Variants in IFT57 observed in about 807,000 individuals in gnomAD.
IFT57 encodes intraflagellar transport protein 57 homolog.
Under a neutral mutation model 56.8 loss-of-function variants are expected in IFT57, and 59 were observed. The ratio of observed to expected loss-of-function variants is 1.04; its 90% confidence interval spans 0.84 to 1.29. IFT57 has a LOEUF of 1.29. Ranked by LOEUF, IFT57 falls within the 50% of genes most tolerant of loss-of-function variation. The probability of loss-of-function intolerance (pLI) is 0.00; values close to 1 mark genes in which losing one functional copy is unlikely to be tolerated. For missense variants in IFT57, 470 were observed against 522.1 expected, an observed-to-expected ratio of 0.90 and a Z score of 0.97; for synonymous variants, 209 against 186.1, an observed-to-expected ratio of 1.12 and a Z score of -1.00.
At chr3:108,219,666 T>C in intron 1 of IFT57, 94 bp from the exon 2 acceptor site, 10 of 1,314,618 alleles carry the variant, frequency 7.6e-6, no homozygotes, top group Non-Finnish European at 8.6e-6. Context: ...TGTCCAACAA[T>C]CTTTCTTCCC....
Position 108,173,997 on chromosome 3 carries a change from A to AATGTGTGTGT in IFT57, c.778-6134_778-6133insACACACACAT, listed in dbSNP as rs59994463. On this transcript the variant is annotated intron_variant, in intron 6 of 10. Coordinates refer to ENST00000264538, the MANE Select transcript of IFT57 (RefSeq NM_018010.4). ...AAAAATCAGTATTTGCATATATTTG[A>AATGTGTGTGT]GTGTGTGTGTGTGTGTGTGTGTGTG... Among the ~76,000 whole-genome samples the AATGTGTGTGT allele has an allele frequency of 2.4e-3, 246 of 100,746 alleles. 7 individuals carry two copies. Among genetic ancestry groups the AATGTGTGTGT allele is most frequent in the African/African-American group, 6.5e-3 (191 of 29,318 alleles). The allele number at this position is 100,746 out of a possible 152,430, so 66.1% of individuals were successfully genotyped here. A position where few individuals can be genotyped will look rare whatever the true frequency, so the allele number is the denominator to read the frequency against.
intron 5 of IFT57, among the ~76,000 whole-genome samples, chr3:108,202,842 T>A (rs2080286541): frequency 6.6e-6 from 1 of 152,192 alleles, no homozygotes; most frequent in African/African-American, 2.4e-5. Flanking sequence ...CCAATGTCAT[T>A]GTTATAAGCA....
chr3:108,182,008 G>A lies in IFT57; in HGVS notation c.777+9513C>T, dbSNP rs373034180. The stretch of plus-strand genomic sequence containing the variant: ...TTAATAACGATTATATACATAAAAC[G>A]TATTCCCATATTCTAGGCCACAGTT... On this transcript the variant is annotated intron_variant, in intron 6 of 10. Transcript: ENST00000264538. Among the ~76,000 whole-genome samples, 147 of 152,072 alleles carry A rather than the reference G, an allele frequency of 9.7e-4. 1 individual carries two copies. The highest frequency in any genetic ancestry group is 3.4e-3 in the African/African-American group (143 of 41,518).
At chr3:108,183,763 A>G (rs1048065763) in intron 6 of IFT57, among the ~76,000 whole-genome samples, 1 of 152,190 alleles carries the variant, frequency 6.6e-6, no homozygotes, top group African/African-American at 2.4e-5. Flanking sequence ...TGCTTTTTAT[A>G]GTAAAAACTC....
intron 3 of IFT57, among the ~76,000 whole-genome samples, chr3:108,218,015 A>ATATAC (rs1174800485): frequency 6.6e-6 from 1 of 151,574 alleles, no homozygotes; most frequent in Non-Finnish European, 1.5e-5. Context: ...ATATAATATA[A>ATATAC]TAATAGAAAT....
At chr3:108,177,596 A>G (rs1196713203) in intron 6 of IFT57, among the ~76,000 whole-genome samples, 1 of 151,752 alleles carries the variant, frequency 6.6e-6, no homozygotes, top group African/African-American at 2.4e-5. Context: ...GTGGGGGGAC[A>G]GGAGACAAAT....
intron 5 of IFT57, among the ~76,000 whole-genome samples, chr3:108,205,811 C>T (rs1475401867): frequency 1.7e-5 from 2 of 120,616 alleles, no homozygotes; most frequent in East Asian, 4.5e-4. Context: ...AATATTATAG[C>T]ATATTATATA....
At chr3:108,194,120 C>A (rs1001055832) in intron 5 of IFT57, among the ~76,000 whole-genome samples, 1 of 152,152 alleles carries the variant, frequency 6.6e-6, no homozygotes, top group Non-Finnish European at 1.5e-5. Flanking sequence ...TAATAGAATG[C>A]AGGTATTGCA....
Position 108,218,667 on chromosome 3 carries a change from GA to G in IFT57, c.376-15del, listed in dbSNP as rs1560130478. 7.8e-7 allele frequency: 1 copy of G among 1,289,714 alleles called. No individual in the cohort carries two copies. The highest frequency in any genetic ancestry group is 1.1e-6 in the Non-Finnish European group (1 of 934,738). 79.9% of individuals were successfully genotyped at this position (1,289,714 alleles called of 1,614,324 possible). ...TGCAGTTCTTCCCTGAAAAACAAAA[GA>G]AAAAACAGGGTATTATTTGTTAGTT... On this transcript the variant is annotated splice_polypyrimidine_tract_variant and intron_variant, in intron 2 of 10. Coordinates refer to ENST00000264538, the MANE Select transcript of IFT57 (RefSeq NM_018010.4).
At chr3:108,205,949 T>C (rs1171147358) in intron 5 of IFT57, among the ~76,000 whole-genome samples, 1 of 92,172 alleles carries the variant, frequency 1.1e-5, no homozygotes, top group East Asian at 2.2e-4. Flanking sequence ...TATTAGTTTA[T>C]AATATATAAA....
At chr3:108,180,670 C>T (rs62262376) in intron 6 of IFT57, among the ~76,000 whole-genome samples, 13,937 of 151,802 alleles carry the variant, frequency 0.092, 703 homozygotes, top group Middle Eastern at 0.12. Context: ...AAACCATAGG[C>T]GTAAAATTTG....
chr3:108,187,587 TAA>T (rs1001257325), intron 6 of IFT57, among the ~76,000 whole-genome samples: 1 of 140,248 alleles, frequency 7.1e-6, no homozygotes. Context: ...TCATGTAAGT[TAA>T]AAAAAAAAGG....
intron 7 of IFT57, 37 bp downstream of exon 7, chr3:108,167,756 T>A (rs1390801694): frequency 7.3e-7 from 1 of 1,368,258 alleles, no homozygotes; most frequent in Admixed American, 2.2e-5. Flanking sequence ...CACAGATGAG[T>A]AAATGTACAT....
intron 3 of IFT57, among the ~76,000 whole-genome samples, chr3:108,218,093 G>C (rs781053053): frequency 6.6e-6 from 1 of 151,986 alleles, no homozygotes; most frequent in African/African-American, 2.4e-5. Flanking sequence ...AGTTTCTTCA[G>C]TATTATTCTT....
At chr3:108,167,680 A>T in intron 7 of IFT57, 113 bp downstream of exon 7, 1 of 537,684 alleles carries the variant, frequency 1.9e-6, no homozygotes, top group Non-Finnish European at 3.2e-6. Flanking sequence ...ACATTCAATT[A>T]GTAAGTTCCT....
In IFT57 at chr3:108,193,100, C is replaced by T. The variant is rs148563506; in HGVS notation, c.655-1457G>A. On this transcript the variant is annotated intron_variant, in intron 5 of 10. Coordinates refer to ENST00000264538, the MANE Select transcript of IFT57 (RefSeq NM_018010.4). ...AAAACAAAAACTAGGTGAACAACCT[C>T]ATGATGAAATTACATTCTCAATATA... Among the ~76,000 whole-genome samples the T allele has an allele frequency of 1.6e-3, 250 of 152,314 alleles. 7 individuals carry two copies. The East Asian group carries it at 0.041, about 25-fold the overall frequency.
intron 5 of IFT57, among the ~76,000 whole-genome samples, chr3:108,203,073 G>C (rs2080288238): frequency 6.6e-6 from 1 of 152,236 alleles, no homozygotes; most frequent in African/African-American, 2.4e-5. Context: ...GAGCTTCAGA[G>C]AATGTGGCCA....
intron 6 of IFT57, among the ~76,000 whole-genome samples, chr3:108,176,293 G>C (rs577362328): frequency 5.3e-5 from 8 of 151,884 alleles, no homozygotes; most frequent in Admixed American, 2.6e-4. Context: ...AGATTTTCAA[G>C]ATCACTCTAA....
At chr3:108,184,035 G>A (rs2080165634) in intron 6 of IFT57, among the ~76,000 whole-genome samples, 2 of 151,970 alleles carry the variant, frequency 1.3e-5, no homozygotes, top group Admixed American at 1.3e-4. Flanking sequence ...AATTATGTAG[G>A]AAAGTATTAT....
Sources: gnomAD v4.1 joint callset for allele counts (sites outside exome capture counted in the v4.1 genomes callset) on GRCh38, gnomAD v4.1.1 for gene constraint, MANE v1.5 for transcripts, NCBI Gene and HGNC (gene_info 2026-07-23, HGNC 2026-07-21) for gene names.